SNTG2: variants seen among roughly 807,000 people sequenced by gnomAD.
The protein encoded by SNTG2 is gamma-2-syntrophin.
A neutral mutation model predicts 70.9 loss-of-function variants in SNTG2; 74 were observed. That is an observed-to-expected ratio of 1.04 (90% CI 0.86 to 1.27). The LOEUF is 1.27. Among genes scored for constraint, SNTG2 ranks in the 50% most tolerant of loss-of-function variants. The pLI is 0.00. For missense variants in SNTG2, 717 were observed against 690.7 expected, an observed-to-expected ratio of 1.04 and a Z score of -0.43; for synonymous variants, 278 against 273.8, an observed-to-expected ratio of 1.02 and a Z score of -0.15.
chr2:1,119,339 A>G (rs949846563), intron 4 of SNTG2, among the ~76,000 whole-genome samples: 1 of 152,216 alleles, frequency 6.6e-6, no homozygotes, highest in Non-Finnish European at 1.5e-5. Flanking sequence ...ACTTGAAGGT[A>G]CCAAACTCAC....
chr2:1,119,227 G>A (rs576691729), intron 4 of SNTG2, among the ~76,000 whole-genome samples: 1,911 of 152,080 alleles, frequency 0.013, 32 homozygotes, highest in African/African-American at 0.041. Context: ...ATAAAAAAAA[G>A]AAAAAAGCTG....
At chr2:1,337,921 G>A (rs988733420) in intron 16 of SNTG2, among the ~76,000 whole-genome samples, 8 of 152,064 alleles carry the variant, frequency 5.3e-5, no homozygotes, top group African/African-American at 9.7e-5. Flanking sequence ...TTTTGCAACC[G>A]GATATCTAAT....
intron 1 of SNTG2, among the ~76,000 whole-genome samples, chr2:1,017,714 ATCT>A (rs1435659382): frequency 3.9e-5 from 6 of 152,238 alleles, no homozygotes; most frequent in African/African-American, 1.4e-4. Context: ...GAGTTACCGT[ATCT>A]TCTTTTAATT....
chr2:978,647 C>T (rs553806995), intron 1 of SNTG2, among the ~76,000 whole-genome samples: 30 of 152,050 alleles, frequency 2.0e-4, no homozygotes, highest in Non-Finnish European at 3.2e-4. Context: ...ATTTGCTAAC[C>T]GGGGCTGAAA....
chr2:1,265,929 G>A (rs1678705719), intron 13 of SNTG2, among the ~76,000 whole-genome samples: 1 of 152,130 alleles, frequency 6.6e-6, no homozygotes, highest in South Asian at 2.1e-4. Flanking sequence ...AGAGACTGGT[G>A]CAGCAAAATT....
chr2:1,057,747 C>T (rs572670470), intron 1 of SNTG2, among the ~76,000 whole-genome samples: 2 of 152,254 alleles, frequency 1.3e-5, no homozygotes, highest in South Asian at 2.1e-4. Context: ...CACTATTAAC[C>T]ATCACAAGTG....
In SNTG2 at chr2:1,185,726, G is replaced by A. The variant is rs149387631; in HGVS notation, c.591+12543G>A. Among the ~76,000 whole-genome samples, 17 of 152,294 alleles carry A rather than the reference G, an allele frequency of 1.1e-4. No individual in the cohort carries two copies. The East Asian group carries it at 2.9e-3, about 26-fold the overall frequency. ...AGATTGCACAGGGCAGCAGGGCCCC[G>A]GGCCTGGCCCAGGAAATCATTCTTC... On this transcript the variant is annotated intron_variant, in intron 8 of 16. Coordinates refer to ENST00000308624, the MANE Select transcript of SNTG2 (RefSeq NM_018968.4).
intron 16 of SNTG2, among the ~76,000 whole-genome samples, chr2:1,328,453 T>C (rs889462622): frequency 6.6e-6 from 1 of 152,028 alleles, no homozygotes; most frequent in Non-Finnish European, 1.5e-5. Context: ...GGAAAAAGAG[T>C]TCCTCTCCAA....
At chr2:1,232,711 GA>G (rs1291419107) in intron 9 of SNTG2, among the ~76,000 whole-genome samples, 1 of 152,086 alleles carries the variant, frequency 6.6e-6, no homozygotes, top group African/African-American at 2.4e-5. Flanking sequence ...CAGGGAAGTA[GA>G]AAAAATATAT....
intron 15 of SNTG2, among the ~76,000 whole-genome samples, chr2:1,310,233 C>T (rs557714551): frequency 6.6e-6 from 1 of 152,318 alleles, no homozygotes; most frequent in Admixed American, 6.5e-5. Context: ...GTGAGCTCCT[C>T]CTTTCCAGGA....
chr2:1,066,675 A>G (rs887332431), intron 1 of SNTG2, among the ~76,000 whole-genome samples: 6 of 152,108 alleles, frequency 3.9e-5, no homozygotes, highest in African/African-American at 1.4e-4. Flanking sequence ...GAAATGGTTC[A>G]TTGTTGCATA....
intron 2 of SNTG2, among the ~76,000 whole-genome samples, chr2:1,091,178 G>T (rs1665001245): frequency 6.6e-6 from 1 of 152,208 alleles, no homozygotes; most frequent in African/African-American, 2.4e-5. Context: ...GGCAAGAGCA[G>T]TGCTGCCAGG....
chr2:1,023,376 T>C (rs975384438), intron 1 of SNTG2, among the ~76,000 whole-genome samples: 2 of 152,084 alleles, frequency 1.3e-5, no homozygotes, highest in Non-Finnish European at 2.9e-5. Flanking sequence ...TTGGGCTGAA[T>C]TGATGCTGTG....
intron 1 of SNTG2, among the ~76,000 whole-genome samples, chr2:1,082,144 T>C (rs1344295783): frequency 6.6e-6 from 1 of 152,144 alleles, no homozygotes; most frequent in Non-Finnish European, 1.5e-5. Context: ...TTCCCATGAG[T>C]GCTGAGGAGG....
chr2:1,184,270 G>A (rs764374549), intron 8 of SNTG2, among the ~76,000 whole-genome samples: 3 of 152,138 alleles, frequency 2.0e-5, no homozygotes, highest in South Asian at 2.1e-4. Context: ...CAAGTTATCC[G>A]TAATTTAAGT....
chr2:1,084,933 C>T (rs974431283), intron 2 of SNTG2, among the ~76,000 whole-genome samples: 6 of 152,180 alleles, frequency 3.9e-5, no homozygotes, highest in Non-Finnish European at 8.8e-5. Flanking sequence ...CTCCCACAGC[C>T]CACACCCCGG....
At chr2:1,311,956 C>T (rs1681014227) in intron 15 of SNTG2, among the ~76,000 whole-genome samples, 1 of 152,122 alleles carries the variant, frequency 6.6e-6, no homozygotes, top group South Asian at 2.1e-4. Context: ...GGAGGCCAAC[C>T]CAACTCATTT....
intron 8 of SNTG2, among the ~76,000 whole-genome samples, chr2:1,192,626 A>G (rs560613683): frequency 3.9e-5 from 6 of 152,270 alleles, no homozygotes; most frequent in Admixed American, 2.6e-4. Flanking sequence ...TCTGGTTGGA[A>G]CAATGTGAGA....
intron 16 of SNTG2, among the ~76,000 whole-genome samples, chr2:1,356,394 A>C (rs1660855277): frequency 6.6e-6 from 1 of 152,110 alleles, no homozygotes; most frequent in Non-Finnish European, 1.5e-5. Context: ...AATTTTATTC[A>C]TTTGCTTCTG....
Sources: gnomAD v4.1 joint callset for allele counts (sites outside exome capture counted in the v4.1 genomes callset) on GRCh38, gnomAD v4.1.1 for gene constraint, MANE v1.5 for transcripts, NCBI Gene and HGNC (gene_info 2026-07-23, HGNC 2026-07-21) for gene names.